RNGTT: variants seen among roughly 807,000 people sequenced by gnomAD.
RNGTT encodes the protein RNA guanylyltransferase and 5'-phosphatase, also known as mRNA-capping enzyme.
Under a neutral mutation model 79.3 loss-of-function variants are expected in RNGTT, and 33 were observed. The observed-to-expected ratio is 0.42, with a 90% CI of 0.32 to 0.56. The LOEUF is 0.56. RNGTT is among the 20% of genes least tolerant of loss of function. The pLI, the probability that RNGTT is intolerant of heterozygous loss-of-function variation, is 0.17. For missense variants in RNGTT, 497 were observed against 739.1 expected (o/e 0.67, Z 3.80); for synonymous variants, 222 against 235.9 (o/e 0.94, Z 0.54).
chr6:88,677,749 G>C (rs950386400), intron 14 of RNGTT, among the ~76,000 whole-genome samples: 1 of 152,058 alleles, frequency 6.6e-6, no homozygotes, highest in Non-Finnish European at 1.5e-5. Flanking sequence ...AGCACTGGTA[G>C]TGCAGGCATG....
chr6:88,726,730 C>T (rs1197082218), intron 13 of RNGTT, among the ~76,000 whole-genome samples: 1 of 152,166 alleles, frequency 6.6e-6, no homozygotes, highest in Non-Finnish European at 1.5e-5. Context: ...TATTTGCACT[C>T]AGCCAAGCCT....
intron 14 of RNGTT, among the ~76,000 whole-genome samples, chr6:88,632,008 T>C (rs536940317): frequency 2.8e-4 from 42 of 152,246 alleles, no homozygotes; most frequent in Non-Finnish European, 2.8e-4. Flanking sequence ...TCGCCCAAGC[T>C]AGAGTGGTGT....
chr6:88,962,562 C>T (rs1165722546), intron 1 of RNGTT, among the ~76,000 whole-genome samples: 1 of 152,000 alleles, frequency 6.6e-6, no homozygotes, highest in East Asian at 1.9e-4. Context: ...CACTTGAGGC[C>T]AGGCGTTGGA....
chr6:88,833,886 G>A (rs1036850942), intron 11 of RNGTT, among the ~76,000 whole-genome samples: 2 of 152,084 alleles, frequency 1.3e-5, no homozygotes, highest in Non-Finnish European at 2.9e-5. Context: ...GCCGGGTGTG[G>A]TGGCGCACAC....
intron 14 of RNGTT, among the ~76,000 whole-genome samples, chr6:88,633,304 T>C (rs188069019): frequency 2.6e-4 from 39 of 152,282 alleles, no homozygotes; most frequent in Admixed American, 2.5e-3. Context: ...AAAGGAATTA[T>C]AGAAATGACA....
At position 88,676,384 on chromosome 6, in the gene RNGTT, AC is replaced by A. The variant is rs200515942; in HGVS notation, c.1506+1968del. 7.8e-3 allele frequency among the ~76,000 whole-genome samples: 1,177 copies of A among 150,738 alleles called. 16 individuals are homozygous for A. The highest frequency in any genetic ancestry group is 0.027 in the African/African-American group (1,072 of 40,258). ...AGTAACATTCTGGAAAAAAAAGATG[AC>A]AAAAAAAAAGAACATCAATCCATAC... is the stretch of plus-strand genomic sequence containing the variant. On this transcript the variant is annotated intron_variant, in intron 14 of 15. Coordinates refer to ENST00000369485, the MANE Select transcript of RNGTT (RefSeq NM_003800.5).
At chr6:88,790,295 A>T (rs1490279977) in intron 12 of RNGTT, among the ~76,000 whole-genome samples, 1 of 152,222 alleles carries the variant, frequency 6.6e-6, no homozygotes, top group Admixed American at 6.5e-5. Flanking sequence ...AAGGCATAGG[A>T]CATAAAACAA....
intron 11 of RNGTT, among the ~76,000 whole-genome samples, chr6:88,837,004 A>G (rs1781103844): frequency 1.3e-5 from 2 of 152,188 alleles, no homozygotes; most frequent in African/African-American, 4.8e-5. Flanking sequence ...GGAAGTGAAA[A>G]AGATATTAAC....
At chr6:88,692,042 C>CG (rs1775500364) in intron 13 of RNGTT, among the ~76,000 whole-genome samples, 1 of 152,006 alleles carries the variant, frequency 6.6e-6, no homozygotes, top group Non-Finnish European at 1.5e-5. Context: ...TAAAAAGAAA[C>CG]ATAACTACAT....
intron 12 of RNGTT, among the ~76,000 whole-genome samples, chr6:88,779,892 G>A (rs577961984): frequency 1.0e-3 from 154 of 152,224 alleles, no homozygotes; most frequent in African/African-American, 3.4e-3. Flanking sequence ...ACCTGGGGGG[G>A]CCAAGGCAGG....
At chr6:88,767,032 A>G (rs1028685469) in intron 13 of RNGTT, among the ~76,000 whole-genome samples, 1 of 152,148 alleles carries the variant, frequency 6.6e-6, no homozygotes, top group African/African-American at 2.4e-5. Flanking sequence ...AGACTGCTAT[A>G]ATGCACAACA....
intron 12 of RNGTT, among the ~76,000 whole-genome samples, chr6:88,798,476 AAG>A (rs1194179679): frequency 1.3e-5 from 2 of 152,066 alleles, no homozygotes; most frequent in Non-Finnish European, 2.9e-5. Context: ...AAAAAAAAAA[AAG>A]AGAGAAAAAT....
intron 12 of RNGTT, among the ~76,000 whole-genome samples, chr6:88,776,406 G>A (rs188229679): frequency 6.7e-4 from 100 of 148,942 alleles, no homozygotes; most frequent in Non-Finnish European, 8.3e-4. Flanking sequence ...CGCAACCTCC[G>A]CCTCCCAGGT....
intron 9 of RNGTT, among the ~76,000 whole-genome samples, chr6:88,852,955 T>TG (rs1466308521): frequency 6.6e-6 from 1 of 152,192 alleles, no homozygotes. Context: ...TTGCTAAGTG[T>TG]GGGGAAAAAG....
intron 14 of RNGTT, among the ~76,000 whole-genome samples, chr6:88,641,021 C>G (rs559779904): frequency 6.6e-6 from 1 of 152,232 alleles, no homozygotes; most frequent in Admixed American, 6.5e-5. Context: ...GGATAAAAAG[C>G]TCCCAGTTCA....
intron 14 of RNGTT, among the ~76,000 whole-genome samples, chr6:88,630,236 T>TCTGCCAG (rs944310065): frequency 6.6e-6 from 1 of 152,222 alleles, no homozygotes. Flanking sequence ...ATTTGCTTTG[T>TCTGCCAG]CTGCCAGCTG....
intron 14 of RNGTT, among the ~76,000 whole-genome samples, chr6:88,644,591 C>T (rs1310411795): frequency 2.0e-5 from 3 of 152,146 alleles, no homozygotes; most frequent in East Asian, 3.8e-4. Context: ...AACACTGATG[C>T]AAAAATCCTC....
intron 14 of RNGTT, among the ~76,000 whole-genome samples, chr6:88,633,600 C>G (rs934235933): frequency 3.7e-4 from 57 of 152,050 alleles, no homozygotes; most frequent in African/African-American, 1.4e-3. Context: ...TAATAAATGG[C>G]CTGGCACAGT....
At chr6:88,838,026 CA>C (rs1781139538) in intron 11 of RNGTT, among the ~76,000 whole-genome samples, 1 of 151,958 alleles carries the variant, frequency 6.6e-6, no homozygotes, top group South Asian at 2.1e-4. Flanking sequence ...AAAAAAATTG[CA>C]AAATTATTGC....
Sources: gnomAD v4.1 joint callset for allele counts (sites outside exome capture counted in the v4.1 genomes callset) on GRCh38, gnomAD v4.1.1 for gene constraint, MANE v1.5 for transcripts, NCBI Gene and HGNC (gene_info 2026-07-23, HGNC 2026-07-21) for gene names.